SMOC2: variants seen among roughly 807,000 people sequenced by gnomAD.
SMOC2 encodes the protein SPARC-related modular calcium-binding protein 2.
In SMOC2, 39 loss-of-function variants were observed where a neutral mutation model predicts 61.4. The ratio of observed to expected loss-of-function variants is 0.64; its 90% CI spans 0.49 to 0.83. The LOEUF (loss-of-function observed/expected upper bound fraction) is 0.83, where lower values mean the gene tolerates loss of function less well. SMOC2 is among the 40% of genes least tolerant of loss of function. The pLI is 0.00. For synonymous variants in SMOC2, 247 were observed against 239.9 expected (o/e 1.03, Z -0.27); for missense variants, 556 against 592.9 (o/e 0.94, Z 0.65).
chr6:168,536,411 G>A (rs1783733880), intron 4 of SMOC2, among the ~76,000 whole-genome samples: 2 of 152,092 alleles, frequency 1.3e-5, no homozygotes. Context: ...GCTGACAGGA[G>A]CTGGCGGATA....
intron 9 of SMOC2, among the ~76,000 whole-genome samples, chr6:168,635,930 G>T (rs112353526): frequency 0.011 from 1,697 of 151,714 alleles, 32 homozygotes; most frequent in African/African-American, 0.039. Flanking sequence ...ACTTCTATAG[G>T]ACTCTCACTT....
chr6:168,462,457 C>T (rs1252588822), intron 1 of SMOC2, among the ~76,000 whole-genome samples: 1 of 152,032 alleles, frequency 6.6e-6, no homozygotes, highest in Non-Finnish European at 1.5e-5. Context: ...TCAGCCCCCT[C>T]TTTAAAGTTT....
At chr6:168,582,080 T>C (rs1411269361) in intron 7 of SMOC2, among the ~76,000 whole-genome samples, 1 of 152,220 alleles carries the variant, frequency 6.6e-6, no homozygotes, top group Non-Finnish European at 1.5e-5. Flanking sequence ...AAGCTCCAGT[T>C]TGGAGACTTT....
intron 11 of SMOC2, chr6:168,655,300 A>C (rs887489677): frequency 1.4e-5 from 6 of 422,320 alleles, no homozygotes; most frequent in Admixed American, 1.3e-4. Flanking sequence ...CCGTAAAATC[A>C]TTGCTGTGGC....
At chr6:168,614,857 G>C (rs1255784289) in intron 9 of SMOC2, among the ~76,000 whole-genome samples, 1 of 33,742 alleles carries the variant, frequency 3.0e-5, no homozygotes, top group Non-Finnish European at 6.1e-5. Flanking sequence ...AGCCAGCACA[G>C]GGCCTCTTCA....
In SMOC2 at chr6:168,611,287, G is replaced by A. The variant is rs544152743; in HGVS notation, c.907+3048G>A. Among the ~76,000 whole-genome samples the A allele has an allele frequency of 7.3e-4, 68 of 92,828 alleles. 1 individual carries two copies. The highest frequency in any genetic ancestry group is 1.2e-3 in the Non-Finnish European group (53 of 44,236). 60.9% of individuals were successfully genotyped at this position (92,828 alleles called of 152,430 possible). A position where few individuals can be genotyped will look rare whatever the true frequency, so the allele number is the denominator to read the frequency against. ...CGGGACCCACCGTGGCTCCCGTGTC[G>A]GGCCTGGCTGTGGCTCCCATGTCTG... On this transcript the variant is annotated intron_variant, in intron 9 of 12. Coordinates refer to ENST00000356284, the MANE Select transcript of SMOC2 (RefSeq NM_001166412.2).
chr6:168,523,392 A>T (rs2115070524), intron 2 of SMOC2, among the ~76,000 whole-genome samples: 1 of 128,322 alleles, frequency 7.8e-6, no homozygotes, highest in Non-Finnish European at 1.6e-5. Flanking sequence ...CCGGCCAGTA[A>T]TTCTTTTTTT....
chr6:168,658,021 CAGAAGACAAATGGTGTTTTGCTCTTTG>C (rs1379375942), intron 11 of SMOC2, among the ~76,000 whole-genome samples: 5 of 152,162 alleles, frequency 3.3e-5, no homozygotes, highest in African/African-American at 1.2e-4. Flanking sequence ...CTCAGGATCC[CAGAAGACAAATGGTGTTTTGCTCTTTG>C]AGACTTAAAA....
In SMOC2 at chr6:168,653,223, G is replaced by T. The variant is rs529459047; in HGVS notation, c.1280G>T (p.Arg427Leu). ...GACGGCAAAGCGGACACCAAGAAAC[G>T]CCACAGTAAGAGCTTTCCCACCCCC... is the stretch of plus-strand genomic sequence containing the variant. Reference protein sequence around the residue: ...KEDGKADTKKRHTPRGHAEST... With the variant: ...KEDGKADTKKLHTPRGHAEST... The change falls in exon 11 of 13, where the codon CGC (arginine) becomes CTC (leucine). Residue 427 changes from arginine to leucine, a missense_variant. Coordinates refer to ENST00000356284, the MANE Select transcript of SMOC2 (RefSeq NM_001166412.2). 8.1e-6 allele frequency: 13 copies of T among 1,612,054 alleles called. No homozygotes were observed. Among genetic ancestry groups the T allele is most frequent in the Non-Finnish European group, 1.1e-5 (13 of 1,178,968 alleles).
rs561627567 is a variant in SMOC2 at position 168,535,719 on chromosome 6, C to G, written c.464-7906C>G. 6.6e-6 allele frequency among the ~76,000 whole-genome samples: 1 copy of G among 152,150 alleles called. No homozygotes were observed. The highest frequency in any genetic ancestry group is 1.5e-5 in the Non-Finnish European group (1 of 68,030). On this transcript the variant is annotated intron_variant, in intron 4 of 12. Coordinates refer to ENST00000356284, the MANE Select transcript of SMOC2 (RefSeq NM_001166412.2). This position sits in a 1 kb window ranked among gnomAD's most constrained non-coding sequence, Gnocchi z 4.6. Reference sequence around the variant, plus strand: ...TTGGTTTCTTCATCCACAGAAACACCGAAGTGGCAAAACTGAGGTTGAGCT... The same window carrying G: ...TTGGTTTCTTCATCCACAGAAACACGGAAGTGGCAAAACTGAGGTTGAGCT...
intron 9 of SMOC2, among the ~76,000 whole-genome samples, chr6:168,615,398 A>G (rs1198410382): frequency 6.7e-4 from 44 of 65,342 alleles, no homozygotes; most frequent in African/African-American, 2.4e-3. Flanking sequence ...CAGCCAGCAC[A>G]GGGCCTCTTC....
intron 4 of SMOC2, among the ~76,000 whole-genome samples, chr6:168,538,349 T>TG (rs1207541901): frequency 1.9e-4 from 9 of 48,380 alleles, no homozygotes; most frequent in Admixed American, 5.1e-4. Context: ...TGCTGGAATG[T>TG]GGGGAGTGGG....
rs1220118435 is a variant in SMOC2 at position 168,453,756 on chromosome 6, CCTCTTT to C, written c.84+12307_84+12312del. On this transcript the variant is annotated intron_variant, in intron 1 of 12. Coordinates refer to ENST00000356284, the MANE Select transcript of SMOC2 (RefSeq NM_001166412.2). The surrounding 1 kb of genome is among the most constrained non-coding windows in gnomAD (Gnocchi z 4.4). ...CTGTCTATCTCTGTCTCTCTGTCTCCCTCTTTCTCTGTCTCTCTGATTCTATCTCTT... is the reference window on the plus strand; with the variant it reads ...CTGTCTATCTCTGTCTCTCTGTCTCCCTCTGTCTCTCTGATTCTATCTCTT... 2.6e-5 allele frequency among the ~76,000 whole-genome samples: 4 copies of C among 151,292 alleles called. No homozygotes were observed. Among genetic ancestry groups the C allele is most frequent in the Non-Finnish European group, 5.9e-5 (4 of 67,840 alleles).
chr6:168,481,900 A>G (rs1782215038), intron 1 of SMOC2, among the ~76,000 whole-genome samples: 1 of 151,976 alleles, frequency 6.6e-6, no homozygotes, highest in Admixed American at 6.6e-5. Context: ...CAGTAAAACT[A>G]GTTGTAAGGG....
intron 1 of SMOC2, among the ~76,000 whole-genome samples, chr6:168,504,794 T>G (rs1782823727): frequency 6.6e-6 from 1 of 152,206 alleles, no homozygotes; most frequent in African/African-American, 2.4e-5. Context: ...CCCATCCTCC[T>G]GGAGGCTGGT....
intron 7 of SMOC2, among the ~76,000 whole-genome samples, chr6:168,563,009 G>T (rs1784456705): frequency 1.3e-5 from 2 of 152,358 alleles, no homozygotes; most frequent in Admixed American, 6.5e-5. Context: ...CGGGGGCTGG[G>T]AGTGGAGACT....
chr6:168,503,832 G>A (rs1782796450), intron 1 of SMOC2, among the ~76,000 whole-genome samples: 1 of 151,982 alleles, frequency 6.6e-6, no homozygotes, highest in African/African-American at 2.4e-5. Flanking sequence ...CATCAGGGAG[G>A]ATCAAAAAAA....
chr6:168,485,474 C>T (rs1004643050), intron 1 of SMOC2, among the ~76,000 whole-genome samples: 4 of 152,156 alleles, frequency 2.6e-5, no homozygotes, highest in African/African-American at 9.7e-5. Context: ...AGTCACACAA[C>T]AGAATGTTAT....
chr6:168,564,062 G>A (rs1583114016), intron 7 of SMOC2, among the ~76,000 whole-genome samples: 1 of 152,156 alleles, frequency 6.6e-6, no homozygotes, highest in South Asian at 2.1e-4. Flanking sequence ...AAAATGTACA[G>A]ATCACTGTGA....
Sources: gnomAD v4.1 joint callset for allele counts (sites outside exome capture counted in the v4.1 genomes callset) on GRCh38, gnomAD v4.1.1 for gene constraint, Gnocchi (gnomAD v3.1) non-coding constraint, MANE v1.5 for transcripts, NCBI Gene and HGNC (gene_info 2026-07-23, HGNC 2026-07-21) for gene names.